GRHL3: variants seen among roughly 807,000 people sequenced by gnomAD.
The protein encoded by GRHL3 is grainyhead like transcription factor 3.
A neutral mutation model predicts 70.3 loss-of-function variants in GRHL3; 20 were observed. The observed-to-expected ratio is 0.28, with a 90% CI of 0.20 to 0.41. The LOEUF is 0.41. GRHL3 is among the 10% of genes least tolerant of loss of function. GRHL3 has a pLI of 1.00. For missense variants in GRHL3, 637 were observed against 762.3 expected (o/e 0.84, Z 1.94); for synonymous variants, 299 against 299.9 (o/e 1.00, Z 0.03).
downstream of GRHL3, among the ~76,000 whole-genome samples, chr1:24,355,898 C>CT (rs59310312): frequency 4.6e-3 from 664 of 144,756 alleles, 5 homozygotes; most frequent in Non-Finnish European, 7.2e-3. Context: ...TTTCATTTAT[C>CT]TTTTTTTTTT....
chr1:24,354,847 C>T lies in GRHL3; in HGVS notation c.*359C>T, dbSNP rs1056284266. 2.4e-5 allele frequency: 4 copies of T among 169,792 alleles called. No homozygotes were observed. The highest frequency in any genetic ancestry group is 3.3e-4 in the East Asian group (2 of 5,978). 10.5% of individuals were successfully genotyped at this position (169,792 alleles called of 1,614,324 possible). A position where few individuals can be genotyped will look rare whatever the true frequency, so the allele number is the denominator to read the frequency against. On this transcript the variant is annotated 3_prime_UTR_variant, in exon 16 of 16. Transcript: ENST00000361548. ...TGCCCGTTAAGATGGTGGCGGCACA[C>T]GCTCCCTCCCGCAGCACCACGCCAG...
downstream of GRHL3, chr1:24,358,613 T>A (rs771996325): frequency 6.2e-7 from 1 of 1,613,104 alleles, no homozygotes; most frequent in East Asian, 2.2e-5. Context: ...CTCTGGCTTG[T>A]ACGTAGCTGT....
Position 24,336,513 on chromosome 1 carries a change from C to T in GRHL3, c.298C>T (p.Leu100Phe), listed in dbSNP as rs781600093. Residue 100 changes from leucine to phenylalanine, a missense_variant, in exon 4 of 16, where the codon CTC (leucine) becomes TTC (phenylalanine). Around this residue, in one of 2 missense-constraint regions of GRHL3, gnomAD observed 250 missense variants for 248.6 expected, o/e 1.01. Coordinates refer to ENST00000361548, the MANE Select transcript of GRHL3 (RefSeq NM_198173.3). ...CCATGGCATGGAATATGAGACGGAC[C>T]TCACTCCCCTTGAAAGCCCCACACA... ...YYHGMEYETDLTPLESPTHLM... is the reference protein window; with the variant it reads ...YYHGMEYETDFTPLESPTHLM... 1.2e-6 allele frequency: 2 copies of T among 1,600,678 alleles called. No individual in the cohort carries two copies. Among genetic ancestry groups the T allele is most frequent in the South Asian group, 2.2e-5 (2 of 89,436 alleles).
At chr1:24,330,890 C>T (rs1639577957) in intron 1 of GRHL3, among the ~76,000 whole-genome samples, 1 of 152,244 alleles carries the variant, frequency 6.6e-6, no homozygotes, top group South Asian at 2.1e-4. Flanking sequence ...GCCTGAAATG[C>T]CATTTCCCAG....
intron 8 of GRHL3, among the ~76,000 whole-genome samples, chr1:24,341,132 C>A (rs954255943): frequency 6.6e-6 from 1 of 152,074 alleles, no homozygotes; most frequent in South Asian, 2.1e-4. Flanking sequence ...TCGGGGGGAC[C>A]GGGGTTCCCA....
chr1:24,334,522 G>C lies in GRHL3; in HGVS notation c.205-123G>C. The C allele has an allele frequency of 1.5e-6, 1 of 678,090 alleles. No individual in the cohort carries two copies. Among genetic ancestry groups the C allele is most frequent in the South Asian group, 1.9e-5 (1 of 53,752 alleles). The allele number at this position is 678,090 out of a possible 1,614,324, so 42.0% of individuals were successfully genotyped here. A position where few individuals can be genotyped will look rare whatever the true frequency, so the allele number is the denominator to read the frequency against. On this transcript the variant is annotated intron_variant, in intron 2 of 15. Coordinates refer to ENST00000361548, the MANE Select transcript of GRHL3 (RefSeq NM_198173.3). The surrounding 1 kb of genome is among the most constrained non-coding windows in gnomAD (Gnocchi z 4.3). ...TACGATTCAAGATGAGATTTGGGTGGGGACACAGCCGAACCATATCACCAA... is the reference window on the plus strand; with the variant it reads ...TACGATTCAAGATGAGATTTGGGTGCGGACACAGCCGAACCATATCACCAA...
chr1:24,329,824 A>G (rs1265322735), intron 1 of GRHL3, among the ~76,000 whole-genome samples: 1 of 152,218 alleles, frequency 6.6e-6, no homozygotes, highest in Non-Finnish European at 1.5e-5. Context: ...CTCTCTCTTC[A>G]TAGCCTGGAC....
rs1640658519 is a variant in GRHL3, at chr1:24,354,937, A to G, written c.*449A>G. 6.4e-6 allele frequency: 1 copy of G among 156,118 alleles called. No individual in the cohort carries two copies. Among genetic ancestry groups the G allele is most frequent in the South Asian group, 1.9e-4 (1 of 5,144 alleles). The allele number at this position is 156,118 out of a possible 1,614,324, so 9.7% of individuals were successfully genotyped here. ...ACAAAGGATTTCTCAACCTTTGGTC[A>G]GTTAACTTGAAAACTCTTGATTTTC... On this transcript the variant is annotated 3_prime_UTR_variant, in exon 16 of 16. Transcript: ENST00000361548.
At chr1:24,332,570 G>C (rs959026883) in intron 2 of GRHL3, among the ~76,000 whole-genome samples, 1 of 152,170 alleles carries the variant, frequency 6.6e-6, no homozygotes, top group African/African-American at 2.4e-5. Context: ...ATCCAGGTAG[G>C]CCCTACTTAT....
chr1:24,363,150 A>G (rs567797020), intron 15 of GRHL3, among the ~76,000 whole-genome samples: 1 of 152,326 alleles, frequency 6.6e-6, no homozygotes, highest in African/African-American at 2.4e-5. Flanking sequence ...TGAGAAAACC[A>G]TGAGGTGTCT....
At chr1:24,349,022 C>A (rs147634219) in intron 14 of GRHL3, among the ~76,000 whole-genome samples, 1 of 152,194 alleles carries the variant, frequency 6.6e-6, no homozygotes, top group African/African-American at 2.4e-5. Context: ...CGTCTCAGTT[C>A]GTGTGCAGAA....
chr1:24,356,823 G>A (rs550959378), downstream of GRHL3, among the ~76,000 whole-genome samples: 28 of 152,248 alleles, frequency 1.8e-4, no homozygotes, highest in East Asian at 1.7e-3. Context: ...TGGGTTTCTC[G>A]TAAACATCTG....
intron 15 of GRHL3, among the ~76,000 whole-genome samples, chr1:24,353,039 C>G (rs573931786): frequency 6.6e-6 from 1 of 152,352 alleles, no homozygotes; most frequent in East Asian, 1.9e-4. Context: ...ATTTTGCCTT[C>G]CTTCTATCTG....
rs1193782788 is a variant in GRHL3, at chr1:24,355,190, GT to G, written c.*707del. ...AACATTTTATATTTTTCATGGATATGTTTTTATCATTTCAAAAAATGTGTAT... is the reference window on the plus strand; with the variant it reads ...AACATTTTATATTTTTCATGGATATGTTTTATCATTTCAAAAAATGTGTAT... On this transcript the variant is annotated 3_prime_UTR_variant, in exon 16 of 16. Transcript: ENST00000361548. 1.3e-5 allele frequency: 2 copies of G among 152,230 alleles called. No homozygotes were observed. Among genetic ancestry groups the G allele is most frequent in the Non-Finnish European group, 2.9e-5 (2 of 67,940 alleles). The allele number at this position is 152,230 out of a possible 1,614,324, so 9.4% of individuals were successfully genotyped here. A position where few individuals can be genotyped will look rare whatever the true frequency, so the allele number is the denominator to read the frequency against.
chr1:24,323,048 T>C, intron 1 of GRHL3: 1 of 1,547,872 alleles, frequency 6.5e-7, no homozygotes, highest in African/African-American at 1.4e-5. Context: ...AGAGGAGATG[T>C]GCCAAACTGT....
chr1:24,319,912 T>C, intron 1 of GRHL3: 1 of 393,898 alleles, frequency 2.5e-6, no homozygotes, highest in South Asian at 2.6e-5. Flanking sequence ...CGAGGCTTTC[T>C]ATCTTCTTGC....
chr1:24,337,330 G>A (rs1639861337), intron 5 of GRHL3, among the ~76,000 whole-genome samples, 179 bp downstream of exon 5: 1 of 152,170 alleles, frequency 6.6e-6, no homozygotes, highest in African/African-American at 2.4e-5. Context: ...GCTGTGATAG[G>A]GAGCTCAGAA....
intron 4 of GRHL3, 60 bp downstream of exon 4, chr1:24,336,887 A>G: frequency 7.2e-7 from 1 of 1,390,842 alleles, no homozygotes; most frequent in South Asian, 1.3e-5. Context: ...ACAGAATGAG[A>G]GAAGATAGTG....
intron 8 of GRHL3, among the ~76,000 whole-genome samples, chr1:24,339,976 C>G (rs770218205): frequency 1.2e-4 from 18 of 152,210 alleles, no homozygotes; most frequent in Non-Finnish European, 2.4e-4. Flanking sequence ...CAAAGTGTGA[C>G]TTTGGACCAG....
Sources: allele counts gnomAD v4.1 joint callset (sites outside exome capture counted in the v4.1 genomes callset), GRCh38; gene constraint gnomAD v4.1.1; regional missense constraint gnomAD v4.1.1; non-coding constraint Gnocchi (gnomAD v3.1); transcripts MANE v1.5; gene names NCBI Gene and HGNC (gene_info 2026-07-23, HGNC 2026-07-21).